Variants in ERLIN1 observed in about 807,000 individuals in gnomAD.
The protein encoded by ERLIN1 is erlin-1.
ERLIN1 carries 24 observed loss-of-function variants against 46.9 expected under a neutral mutation model. That is an observed-to-expected ratio of 0.51 (90% CI 0.37 to 0.72). ERLIN1 has a LOEUF of 0.72. ERLIN1 is among the 30% of genes least tolerant of loss of function. ERLIN1 has a pLI of 0.00. For synonymous variants in ERLIN1, 158 were observed against 143.2 expected, an observed-to-expected ratio of 1.10 and a Z score of -0.74; for missense variants, 293 against 417.9, an observed-to-expected ratio of 0.70 and a Z score of 2.61.
intron 2 of ERLIN1, among the ~76,000 whole-genome samples, chr10:100,182,172 C>G (rs1301671641): frequency 6.7e-6 from 1 of 149,002 alleles, no homozygotes; most frequent in African/African-American, 2.5e-5. Flanking sequence ...TGAACAAGAT[C>G]TATTTGTTAG....
chr10:100,165,437 A>G (rs1257603676), intron 7 of ERLIN1, among the ~76,000 whole-genome samples: 3 of 138,684 alleles, frequency 2.2e-5, no homozygotes, highest in East Asian at 4.2e-4. Context: ...CCCAGGCTGG[A>G]GTGCAGTGGC....
chr10:100,160,189 A>C (rs1843288800), intron 8 of ERLIN1, among the ~76,000 whole-genome samples: 1 of 152,184 alleles, frequency 6.6e-6, no homozygotes, highest in Non-Finnish European at 1.5e-5. Flanking sequence ...TGGCTTAAAA[A>C]GAAAACATGT....
chr10:100,160,382 G>A (rs939327923), intron 8 of ERLIN1, among the ~76,000 whole-genome samples: 1 of 151,910 alleles, frequency 6.6e-6, no homozygotes, highest in African/African-American at 2.4e-5. Flanking sequence ...ATAGAACACA[G>A]AAAAGGAAGC....
chr10:100,183,565 T>C (rs1844782680), intron 2 of ERLIN1, among the ~76,000 whole-genome samples, 191 bp downstream of exon 2: 1 of 152,232 alleles, frequency 6.6e-6, no homozygotes, highest in African/African-American at 2.4e-5. Flanking sequence ...CTTTAATTCA[T>C]TTCAAGTAAG....
Position 100,178,377 on chromosome 10 carries a change from T to A in ERLIN1, c.243-183A>T, listed in dbSNP as rs11190414. 0.038 allele frequency among the ~76,000 whole-genome samples: 5,755 copies of A among 152,328 alleles called. 293 individuals carry two copies. Among genetic ancestry groups the A allele is most frequent in the East Asian group, 0.28 (1,432 of 5,180 alleles). ...GATGTCAATGTCTTTTTTACACTTG[T>A]AATAGTCATTTAAAATAAGTAATTT... On this transcript the variant is annotated intron_variant, in intron 3 of 10. Transcript: ENST00000421367.
At chr10:100,171,270 A>T (rs917346006) in intron 6 of ERLIN1, among the ~76,000 whole-genome samples, 9 of 152,234 alleles carry the variant, frequency 5.9e-5, no homozygotes, top group Non-Finnish European at 1.3e-4. Context: ...AATGACAAAG[A>T]AAAAATTTGA....
chr10:100,184,418 C>T (rs781695580), intron 1 of ERLIN1, among the ~76,000 whole-genome samples: 1 of 152,090 alleles, frequency 6.6e-6, no homozygotes, highest in Non-Finnish European at 1.5e-5. Context: ...GGCTTGTTAA[C>T]CAAATCCTGG....
At chr10:100,177,216 G>C (rs1387034955) in intron 4 of ERLIN1, among the ~76,000 whole-genome samples, 1 of 152,050 alleles carries the variant, frequency 6.6e-6, no homozygotes, top group Non-Finnish European at 1.5e-5. Context: ...TATCTAAATA[G>C]TTTCCTATTT....
rs750743938 is a variant in ERLIN1, at chr10:100,152,034, G to A, written c.*97C>T. 4 of 804,796 alleles carry A rather than the reference G, an allele frequency of 5.0e-6. No individual in the cohort carries two copies. In the Admixed American group the frequency reaches 6.0e-5, roughly 12 times the overall value. The allele number at this position is 804,796 out of a possible 1,614,324, so 49.9% of individuals were successfully genotyped here. A position where few individuals can be genotyped will look rare whatever the true frequency, so the allele number is the denominator to read the frequency against. On this transcript the variant is annotated 3_prime_UTR_variant, in exon 11 of 11. Transcript: ENST00000421367. ...GCAGGAGAGGTGGAACAGATGAAGT[G>A]TAAGTTCTCTGTAAATCTGAAGAGT...
chr10:100,174,140 C>T, intron 6 of ERLIN1, 68 bp downstream of exon 6: 1 of 956,110 alleles, frequency 1.0e-6, no homozygotes, highest in South Asian at 1.4e-5. Flanking sequence ...TAAAACAATC[C>T]AATGAAAGGA....
intron 6 of ERLIN1, among the ~76,000 whole-genome samples, chr10:100,172,129 A>G (rs1306075816): frequency 6.6e-6 from 1 of 152,254 alleles, no homozygotes; most frequent in African/African-American, 2.4e-5. Context: ...ACATGCATAC[A>G]GTAGTAAAAA....
At chr10:100,163,240 T>G (rs753198897) in intron 8 of ERLIN1, among the ~76,000 whole-genome samples, 31 of 152,064 alleles carry the variant, frequency 2.0e-4, no homozygotes, top group Non-Finnish European at 3.1e-4. Flanking sequence ...TCTTACACAC[T>G]TACAGTAAAA....
intron 8 of ERLIN1, among the ~76,000 whole-genome samples, chr10:100,158,694 A>G (rs1350805009): frequency 6.6e-6 from 1 of 152,228 alleles, no homozygotes; most frequent in Non-Finnish European, 1.5e-5. Flanking sequence ...AATACTACGC[A>G]ATAATAAAAT....
At chr10:100,176,514 CTG>C (rs1323204133) in intron 4 of ERLIN1, among the ~76,000 whole-genome samples, 1 of 152,054 alleles carries the variant, frequency 6.6e-6, no homozygotes, top group African/African-American at 2.4e-5. Context: ...ACTAGGCAAA[CTG>C]AGGAACAGTA....
At chr10:100,156,740 T>C (rs1213208532) in intron 8 of ERLIN1, among the ~76,000 whole-genome samples, 7 of 152,042 alleles carry the variant, frequency 4.6e-5, no homozygotes, top group Admixed American at 2.0e-4. Flanking sequence ...GGGCCAGTCA[T>C]GGTGATTCAC....
chr10:100,176,926 A>G (rs574663823), intron 4 of ERLIN1, among the ~76,000 whole-genome samples: 1 of 152,306 alleles, frequency 6.6e-6, no homozygotes, highest in South Asian at 2.1e-4. Context: ...GTTCAAGACC[A>G]GCCTGGCCAA....
Position 100,185,833 on chromosome 10 carries a change from G to A in ERLIN1, c.-207C>T, listed in dbSNP as rs1156625433. On this transcript the variant is annotated 5_prime_UTR_variant, in exon 1 of 11. Coordinates refer to ENST00000421367, the MANE Select transcript of ERLIN1 (RefSeq NM_006459.4). ...ACTCCTCCGCCCCCGGAGGCCAGTG[G>A]GCCGCCCCTGCTCGGTGAGCTTCCT... is the stretch of plus-strand genomic sequence containing the variant. 4 of 587,188 alleles carry A rather than the reference G, an allele frequency of 6.8e-6. No individual in the cohort carries two copies. The highest frequency in any genetic ancestry group is 1.9e-5 in the African/African-American group (1 of 53,276). 36.4% of individuals were successfully genotyped at this position (587,188 alleles called of 1,614,324 possible).
At chr10:100,170,458 A>G (rs1031667555) in intron 6 of ERLIN1, among the ~76,000 whole-genome samples, 2 of 152,234 alleles carry the variant, frequency 1.3e-5, no homozygotes, top group African/African-American at 4.8e-5. Flanking sequence ...AACTTTTTAT[A>G]AAAACAGCAA....
At chr10:100,162,543 A>G (rs1377210488) in intron 8 of ERLIN1, among the ~76,000 whole-genome samples, 1 of 152,204 alleles carries the variant, frequency 6.6e-6, no homozygotes, top group Non-Finnish European at 1.5e-5. Context: ...TGACCCATCA[A>G]TTCTACTTTG....
Sources: allele counts gnomAD v4.1 joint callset (sites outside exome capture counted in the v4.1 genomes callset), GRCh38; gene constraint gnomAD v4.1.1; transcripts MANE v1.5; gene names NCBI Gene and HGNC (gene_info 2026-07-23, HGNC 2026-07-21).